The following ATP11B variants were observed in gnomAD, a reference collection of about 807,000 sequenced individuals.
ATP11B encodes ATPase phospholipid transporting 11B (putative).
A neutral mutation model predicts 157.8 loss-of-function variants in ATP11B; 81 were observed. That is an observed-to-expected ratio of 0.51 (90% CI 0.43 to 0.62). The LOEUF is 0.62. ATP11B is among the 20% of genes least tolerant of loss of function. The probability of loss-of-function intolerance (pLI) is 0.00; values close to 1 mark genes in which losing one functional copy is unlikely to be tolerated. For missense variants in ATP11B, 1,165 were observed against 1,402.2 expected (o/e 0.83, Z 2.70); for synonymous variants, 451 against 469.4 (o/e 0.96, Z 0.51).
chr3:182,794,153 G>T (rs1375901100), intron 1 of ATP11B, among the ~76,000 whole-genome samples: 1 of 152,252 alleles, frequency 6.6e-6, no homozygotes, highest in Non-Finnish European at 1.5e-5. Context: ...AGCGAGAGTA[G>T]GTCTTGGGGA....
chr3:182,878,946 T>A (rs947556693), intron 19 of ATP11B, among the ~76,000 whole-genome samples: 1 of 152,222 alleles, frequency 6.6e-6, no homozygotes, highest in Non-Finnish European at 1.5e-5. Context: ...TTAGAAAATA[T>A]AATTACTGTA....
chr3:182,917,689 A>C (rs757274713), intron 29 of ATP11B: 121 of 985,264 alleles, frequency 1.2e-4, no homozygotes, highest in Non-Finnish European at 1.4e-4. Context: ...CAGTAAAACA[A>C]TGTGCATAAC....
intron 2 of ATP11B, among the ~76,000 whole-genome samples, chr3:182,826,580 C>G (rs552663163): frequency 1.1e-4 from 16 of 152,324 alleles, no homozygotes; most frequent in Non-Finnish European, 2.2e-4. Context: ...GTATCTACCT[C>G]TCTTCTTTCT....
At chr3:182,892,853 C>T (rs1276052718) in intron 25 of ATP11B, among the ~76,000 whole-genome samples, 3 of 152,134 alleles carry the variant, frequency 2.0e-5, no homozygotes, top group Non-Finnish European at 4.4e-5. Flanking sequence ...ACATCTTTAC[C>T]TTCAGAGCAC....
At position 182,836,298 on chromosome 3, in the gene ATP11B, C is replaced by T. The variant is rs376196960; in HGVS notation, c.424-44C>T. The T allele has an allele frequency of 3.4e-5, 55 of 1,610,524 alleles. No individual in the cohort carries two copies. The African/African-American group carries it at 5.8e-4, about 17-fold the overall frequency. ...GAGCCCAATAAAAGTAAGTCCTTGCCTTTTAAAATTTATAAATTCACTCTT... is the reference window on the plus strand; with the variant it reads ...GAGCCCAATAAAAGTAAGTCCTTGCTTTTTAAAATTTATAAATTCACTCTT... On this transcript the variant is annotated intron_variant, in intron 5 of 29. Transcript: ENST00000323116.
At chr3:182,841,599 A>G (rs928763828) in intron 7 of ATP11B, among the ~76,000 whole-genome samples, 11 of 152,204 alleles carry the variant, frequency 7.2e-5, no homozygotes, top group Admixed American at 5.9e-4. Flanking sequence ...TTAAAGCTTA[A>G]GGACTGATAA....
intron 14 of ATP11B, among the ~76,000 whole-genome samples, chr3:182,866,678 A>G (rs1721258543): frequency 6.6e-6 from 1 of 151,592 alleles, no homozygotes; most frequent in Admixed American, 6.6e-5. Flanking sequence ...TCTGATTACT[A>G]TAAAAATCTG....
chr3:182,829,036 T>C lies in ATP11B; in HGVS notation c.235-636T>C, dbSNP rs140582099. Among the ~76,000 whole-genome samples the C allele has an allele frequency of 2.4e-3, 372 of 152,292 alleles. 4 individuals are homozygous for C. Among genetic ancestry groups the C allele is most frequent in the African/African-American group, 8.6e-3 (358 of 41,562 alleles). On this transcript the variant is annotated intron_variant, in intron 3 of 29. Transcript: ENST00000323116. ...AAAAAGAAAAAATTGCTTTCTTTCATGAACAGACAAGGAACTTCTGATTTT... is the reference window on the plus strand; with the variant it reads ...AAAAAGAAAAAATTGCTTTCTTTCACGAACAGACAAGGAACTTCTGATTTT...
chr3:182,874,261 A>T (rs1377653910), intron 19 of ATP11B, among the ~76,000 whole-genome samples: 1 of 152,268 alleles, frequency 6.6e-6, no homozygotes, highest in African/African-American at 2.4e-5. Flanking sequence ...TTGTTTACAT[A>T]TTACCAATGA....
chr3:182,897,300 T>TC lies in ATP11B; in HGVS notation c.3049-3_3049-2insC. 1 of 1,541,888 alleles carries TC rather than the reference T, an allele frequency of 6.5e-7. No homozygotes were observed. The highest frequency in any genetic ancestry group is 1.3e-5 in the South Asian group (1 of 79,134). On this transcript the variant is annotated splice_polypyrimidine_tract_variant and splice_region_variant and intron_variant, in intron 26 of 29. Coordinates refer to ENST00000323116, the MANE Select transcript of ATP11B (RefSeq NM_014616.3). ...TTCTAAGGATATAAAAACTTTTTTT[T>TC]AGATGGCTCTGGAAACTCATTTTTG...
chr3:182,794,636 A>T (rs527524793), intron 1 of ATP11B, among the ~76,000 whole-genome samples: 2 of 152,352 alleles, frequency 1.3e-5, no homozygotes, highest in East Asian at 3.9e-4. Context: ...TTTAAGGCCT[A>T]TAAAAAGTGC....
chr3:182,823,401 G>C lies in ATP11B; in HGVS notation c.144+3025G>C, dbSNP rs538582950. On this transcript the variant is annotated intron_variant, in intron 2 of 29. Transcript: ENST00000323116. ...TTTCCCCATTTCTTGTTTTTGTCAG[G>C]TTTGTCAAAGATCAGATGGTTGTAG... Among the ~76,000 whole-genome samples, 159 of 152,148 alleles carry C rather than the reference G, an allele frequency of 1.0e-3. 2 individuals carry two copies. Among genetic ancestry groups the C allele is most frequent in the African/African-American group, 3.5e-3 (146 of 41,496 alleles).
chr3:182,887,266 C>T (rs1320423787), intron 23 of ATP11B, among the ~76,000 whole-genome samples: 1 of 152,134 alleles, frequency 6.6e-6, no homozygotes, highest in Non-Finnish European at 1.5e-5. Flanking sequence ...GCCTGGAATA[C>T]ATGGAGGAGA....
intron 10 of ATP11B, among the ~76,000 whole-genome samples, chr3:182,852,698 A>G (rs1403417691): frequency 6.6e-6 from 1 of 152,260 alleles, no homozygotes; most frequent in Non-Finnish European, 1.5e-5. Context: ...TCTCCCGCAT[A>G]TACAAAAACT....
chr3:182,908,196 C>CTTTTTTTTTTTTTTTTTT (rs10716562), intron 28 of ATP11B, among the ~76,000 whole-genome samples: 4 of 70,744 alleles, frequency 5.7e-5, no homozygotes, highest in African/African-American at 1.1e-4. Flanking sequence ...TTATTATTTT[C>CTTTTTTTTTTTTTTTTTT]TTTTTTTTTT....
chr3:182,840,724 C>T (rs950796532), intron 7 of ATP11B, among the ~76,000 whole-genome samples: 4 of 152,114 alleles, frequency 2.6e-5, no homozygotes, highest in Admixed American at 2.6e-4. Flanking sequence ...CACATCTCAC[C>T]CCAACCCATC....
chr3:182,892,900 G>T (rs1468593623), intron 25 of ATP11B, among the ~76,000 whole-genome samples: 1 of 152,174 alleles, frequency 6.6e-6, no homozygotes, highest in Non-Finnish European at 1.5e-5. Context: ...ACTCCTTAAT[G>T]AGTTGCCAGA....
intron 28 of ATP11B, among the ~76,000 whole-genome samples, chr3:182,901,860 A>G (rs913282860): frequency 6.6e-6 from 1 of 152,148 alleles, no homozygotes; most frequent in Non-Finnish European, 1.5e-5. Flanking sequence ...TAAAAATGGA[A>G]TGTACAGTGC....
At chr3:182,911,940 G>T (rs1244462676) in intron 28 of ATP11B, among the ~76,000 whole-genome samples, 1 of 152,150 alleles carries the variant, frequency 6.6e-6, no homozygotes, top group African/African-American at 2.4e-5. Context: ...TTGATGGCAG[G>T]CCCCGACACG....
Sources: allele counts gnomAD v4.1 joint callset (sites outside exome capture counted in the v4.1 genomes callset), GRCh38; gene constraint gnomAD v4.1.1; transcripts MANE v1.5; gene names NCBI Gene and HGNC (gene_info 2026-07-23, HGNC 2026-07-21).